ARPC5L: variants seen among roughly 807,000 people sequenced by gnomAD.
ARPC5L encodes the protein actin related protein 2/3 complex subunit 5 like.
ARPC5L carries 4 observed loss-of-function variants against 16.9 expected under a neutral mutation model. The observed-to-expected ratio is 0.24, with a 90% CI of 0.12 to 0.54. The LOEUF (loss-of-function observed/expected upper bound fraction) is 0.54, where lower values mean the gene tolerates loss of function less well. ARPC5L is among the 20% of genes least tolerant of loss of function. ARPC5L has a pLI of 0.95. For synonymous variants in ARPC5L, 78 were observed against 82.6 expected, an observed-to-expected ratio of 0.94 and a Z score of 0.30; for missense variants, 151 against 201.9, an observed-to-expected ratio of 0.75 and a Z score of 1.53.
intron 3 of ARPC5L, among the ~76,000 whole-genome samples, 173 bp downstream of exon 3, chr9:124,869,612 C>T (rs1042348381): frequency 1.3e-5 from 2 of 152,196 alleles, no homozygotes; most frequent in African/African-American, 2.4e-5. Context: ...TCCCTTGAGT[C>T]CCAGTCTCCC....
At position 124,869,055 on chromosome 9, in the gene ARPC5L, G is replaced by A. The variant is rs1216343562; in HGVS notation, c.-236G>A. 4 of 399,600 alleles carry A rather than the reference G, an allele frequency of 1.0e-5. No homozygotes were observed. Among genetic ancestry groups the A allele is most frequent in the Non-Finnish European group, 1.7e-5 (4 of 230,630 alleles). The allele number at this position is 399,600 out of a possible 1,614,324, so 24.8% of individuals were successfully genotyped here. ...GGGACACTGAGGTGGGGGAGGCTGC[G>A]GTGATCCCATACCGCACTCCAGGTG... On this transcript the variant is annotated 5_prime_UTR_variant, in exon 3 of 6. Transcript: ENST00000353214.
intron 5 of ARPC5L, among the ~76,000 whole-genome samples, chr9:124,875,668 G>A (rs746400092): frequency 1.3e-5 from 2 of 151,664 alleles, no homozygotes; most frequent in Non-Finnish European, 2.9e-5. Context: ...AGAAAGAGCT[G>A]TGTCTGCCCT....
chr9:124,874,936 T>G (rs581558), intron 4 of ARPC5L, 39 bp from the exon 5 acceptor site: 1,579,077 of 1,612,042 alleles, frequency 0.98, 774,871 homozygotes, highest in Non-Finnish European at 1. Flanking sequence ...GGCGGTGCCT[T>G]CGCAGCTCTG....
chr9:124,862,143 C>G lies in ARPC5L; in HGVS notation c.-1239C>G. The stretch of plus-strand genomic sequence containing the variant: ...AGTGCTCGCCTCATTCACGGCACCC[C>G]TGATAGCGAGGTCGGCGTCACGGTG... On this transcript the variant is annotated 5_prime_UTR_variant, in exon 1 of 6. Transcript: ENST00000353214. 1 of 493,894 alleles carries G rather than the reference C, an allele frequency of 2.0e-6. No individual in the cohort carries two copies. Among genetic ancestry groups the G allele is most frequent in the Non-Finnish European group, 3.5e-6 (1 of 288,072 alleles). 30.6% of individuals were successfully genotyped at this position (493,894 alleles called of 1,614,324 possible). A position where few individuals can be genotyped will look rare whatever the true frequency, so the allele number is the denominator to read the frequency against.
At chr9:124,875,395 CAG>C (rs1829418358) in intron 5 of ARPC5L, among the ~76,000 whole-genome samples, 1 of 152,182 alleles carries the variant, frequency 6.6e-6, no homozygotes. Context: ...TCAGGCAAGA[CAG>C]GGTGCCCTTG....
Position 124,869,226 on chromosome 9 carries a change from C to G in ARPC5L, c.-65C>G. 3 of 1,380,100 alleles carry G rather than the reference C, an allele frequency of 2.2e-6. No individual in the cohort carries two copies. The highest frequency in any genetic ancestry group is 2.8e-6 in the Non-Finnish European group (3 of 1,065,372). The allele number at this position is 1,380,100 out of a possible 1,614,324, so 85.5% of individuals were successfully genotyped here. ...TCCCGCCCCCGAGCAGGAGCCGGTG[C>G]GAGCGGAGCAGAGCCGAGGTCGGGC... On this transcript the variant is annotated 5_prime_UTR_variant, in exon 3 of 6. Transcript: ENST00000353214.
chr9:124,876,866 C>T lies in ARPC5L; in HGVS notation c.400-12C>T. On this transcript the variant is annotated splice_polypyrimidine_tract_variant and intron_variant, in intron 5 of 5. Coordinates refer to ENST00000353214, the MANE Select transcript of ARPC5L (RefSeq NM_030978.3). ...GTCTCATCTGACACGTTTTCTTTTC[C>T]TGCCCCCACAGGCCTTAGCAGTAGG... is the stretch of plus-strand genomic sequence containing the variant. The T allele has an allele frequency of 6.2e-7, 1 of 1,609,052 alleles. No homozygotes were observed. The highest frequency in any genetic ancestry group is 8.5e-7 in the Non-Finnish European group (1 of 1,178,524).
At chr9:124,867,499 CCT>C (rs141127306) in intron 2 of ARPC5L, among the ~76,000 whole-genome samples, 1,652 of 152,198 alleles carry the variant, frequency 0.011, 33 homozygotes, top group African/African-American at 0.038. Context: ...GGTTTTTTTC[CCT>C]CTCAACACTG....
At chr9:124,869,850 GC>G (rs1382987923) in intron 3 of ARPC5L, among the ~76,000 whole-genome samples, 1 of 152,228 alleles carries the variant, frequency 6.6e-6, no homozygotes, top group Non-Finnish European at 1.5e-5. Flanking sequence ...GCGGAGGTGA[GC>G]CGCATCTGAG....
intron 1 of ARPC5L, among the ~76,000 whole-genome samples, chr9:124,863,692 G>C (rs143373989): frequency 4.6e-5 from 7 of 152,192 alleles, no homozygotes; most frequent in African/African-American, 1.7e-4. Flanking sequence ...CACTTCAGTA[G>C]AGCCCGGAAA....
chr9:124,865,785 T>C (rs1482457543), intron 2 of ARPC5L, among the ~76,000 whole-genome samples: 4 of 148,268 alleles, frequency 2.7e-5, no homozygotes, highest in Admixed American at 6.8e-5. Context: ...AGAGCAAAAC[T>C]CCATCTCAAA....
chr9:124,874,881 T>C, intron 4 of ARPC5L, 94 bp from the exon 5 acceptor site: 3 of 1,463,734 alleles, frequency 2.0e-6, no homozygotes, highest in Non-Finnish European at 9.5e-7. Flanking sequence ...AACTGGGCAG[T>C]GTTTCTGGTG....
chr9:124,865,616 C>T (rs552481807), intron 2 of ARPC5L, among the ~76,000 whole-genome samples: 13 of 151,074 alleles, frequency 8.6e-5, no homozygotes, highest in Admixed American at 3.3e-4. Flanking sequence ...ATGGTGAAAC[C>T]GTGTCTCTAC....
Position 124,873,827 on chromosome 9 carries a change from C to G in ARPC5L, c.222+63C>G. On this transcript the variant is annotated intron_variant, in intron 4 of 5. Coordinates refer to ENST00000353214, the MANE Select transcript of ARPC5L (RefSeq NM_030978.3). Reference sequence around the variant, plus strand: ...GGGACCAGGGCTGTGGGTGTCTGCCCAGTGCGAGTGTGAGCTTTCATCCAC... The same window carrying G: ...GGGACCAGGGCTGTGGGTGTCTGCCGAGTGCGAGTGTGAGCTTTCATCCAC... 1.9e-6 allele frequency: 3 copies of G among 1,587,308 alleles called. No homozygotes were observed. The East Asian group carries it at 6.7e-5, about 35-fold the overall frequency.
chr9:124,865,315 T>TAAA (rs11414499), intron 2 of ARPC5L, among the ~76,000 whole-genome samples: 21 of 106,998 alleles, frequency 2.0e-4, no homozygotes, highest in African/African-American at 4.0e-4. Context: ...AAACTCTGTC[T>TAAA]AAAAAAAAAA....
At chr9:124,876,467 C>G (rs1829437510) in intron 5 of ARPC5L, among the ~76,000 whole-genome samples, 1 of 152,090 alleles carries the variant, frequency 6.6e-6, no homozygotes, top group Non-Finnish European at 1.5e-5. Flanking sequence ...GCCTGGGTGA[C>G]AAGAGCGAAA....
chr9:124,864,465 G>A (rs1421623781), intron 2 of ARPC5L, among the ~76,000 whole-genome samples: 1 of 152,100 alleles, frequency 6.6e-6, no homozygotes. Flanking sequence ...AGGTTCAAGC[G>A]ATTCTCCTGC....
chr9:124,869,313 C>T lies in ARPC5L; in HGVS notation c.23C>T (p.Ser8Leu), dbSNP rs1225845590. MARNTLS[S>L]RFRRVDIDEF... ...GCCATGGCCCGGAACACGCTGTCCT[C>T]GCGCTTCCGCCGGGTGGACATCGAC... The change falls in exon 3 of 6, where the codon TCG becomes TTG. Residue 8 changes from serine to leucine, a missense_variant. Physicochemically the swap from Ser to Leu is moderately radical, Grantham distance 145 (BLOSUM62 -2). Coordinates refer to ENST00000353214, the MANE Select transcript of ARPC5L (RefSeq NM_030978.3). 6.5e-7 allele frequency: 1 copy of T among 1,531,270 alleles called. No homozygotes were observed. The highest frequency in any genetic ancestry group is 8.8e-7 in the Non-Finnish European group (1 of 1,139,114). The allele number at this position is 1,531,270 out of a possible 1,614,324, so 94.9% of individuals were successfully genotyped here.
rs528435600 is a variant in ARPC5L at position 124,872,575 on chromosome 9, C to T, written c.150-1117C>T. The T allele has an allele frequency of 1.1e-3, 166 of 150,648 alleles. 1 individual carries two copies. The highest frequency in any genetic ancestry group is 9.9e-3 in the South Asian group (47 of 4,734). The allele number at this position is 150,648 out of a possible 1,614,324, so 9.3% of individuals were successfully genotyped here. A position where few individuals can be genotyped will look rare whatever the true frequency, so the allele number is the denominator to read the frequency against. Reference sequence around the variant, plus strand: ...TTGCGCCACTGCACTCCAGCCTGGGCGACAGAGCGAGACTCCGTCTCAAAA... The same window carrying T: ...TTGCGCCACTGCACTCCAGCCTGGGTGACAGAGCGAGACTCCGTCTCAAAA... On this transcript the variant is annotated intron_variant, in intron 3 of 5. Coordinates refer to ENST00000353214, the MANE Select transcript of ARPC5L (RefSeq NM_030978.3).
Sources: gnomAD v4.1 joint callset for allele counts (sites outside exome capture counted in the v4.1 genomes callset) on GRCh38, gnomAD v4.1.1 for gene constraint, MANE v1.5 for transcripts, NCBI Gene and HGNC (gene_info 2026-07-23, HGNC 2026-07-21) for gene names.